HIVEP1: variants seen among roughly 807,000 people sequenced by gnomAD.
The protein encoded by HIVEP1 is HIVEP zinc finger 1.
In HIVEP1, 36 loss-of-function variants were observed where a neutral mutation model predicts 180.0. The ratio of observed to expected loss-of-function variants is 0.20; its 90% CI spans 0.15 to 0.26. HIVEP1 has a LOEUF of 0.26. Ranked by LOEUF, HIVEP1 falls within the 10% of genes least tolerant of loss-of-function variation. The pLI is 1.00. For synonymous variants in HIVEP1, 1,239 were observed against 1,239.0 expected (o/e 1.00, Z 0.00); for missense variants, 3,143 against 3,268.7 (o/e 0.96, Z 0.94).
At chr6:12,015,729 T>TTGGTGACAGGAA in intron 2 of HIVEP1, 61 bp downstream of exon 2, 1 of 1,481,688 alleles carries the variant, frequency 6.7e-7, no homozygotes. Flanking sequence ...AAGTATCTCT[T>TTGGTGACAGGAA]TGGTGACAGG....
intron 3 of HIVEP1, among the ~76,000 whole-genome samples, chr6:12,111,607 T>C (rs1193644212): frequency 1.3e-5 from 2 of 152,248 alleles, no homozygotes; most frequent in African/African-American, 2.4e-5. Flanking sequence ...GAGGCTACCA[T>C]GTTCTTTGGA....
the HIVEP1 span, among the ~76,000 whole-genome samples, chr6:12,195,844 T>C: frequency 6.6e-6 from 1 of 152,238 alleles, no homozygotes. Context: ...TTTACCTGTA[T>C]CTGAATATAT....
chr6:12,121,458 C>A lies in HIVEP1; in HGVS notation c.1663C>A (p.Gln555Lys). The A allele has an allele frequency of 6.2e-7, 1 of 1,614,164 alleles. No individual in the cohort carries two copies. Among genetic ancestry groups the A allele is most frequent in the Non-Finnish European group, 8.5e-7 (1 of 1,180,030 alleles). The change falls in exon 4 of 9, where the codon CAA becomes AAA. Residue 555 changes from glutamine to lysine, a missense_variant. Gln to Lys is a moderately conservative substitution (Grantham distance 53). Coordinates refer to ENST00000379388, the MANE Select transcript of HIVEP1 (RefSeq NM_002114.4). This position sits in a 1 kb window ranked among gnomAD's most constrained non-coding sequence, Gnocchi z 5.3. ...FLLQDRSAES[Q>K]AVTELPKVVV... The stretch of plus-strand genomic sequence containing the variant: ...GCTACAGGACAGATCTGCAGAATCA[C>A]AAGCTGTGACAGAGTTACCGAAAGT...
At chr6:12,020,105 G>C (rs1458688670) in intron 2 of HIVEP1, 1 of 265,668 alleles carries the variant, frequency 3.8e-6, no homozygotes, top group African/African-American at 2.2e-5. Context: ...AACAAATTGG[G>C]GACATAAGTG....
At chr6:12,112,407 C>A (rs1774954196) in intron 3 of HIVEP1, among the ~76,000 whole-genome samples, 1 of 151,094 alleles carries the variant, frequency 6.6e-6, no homozygotes, top group African/African-American at 2.4e-5. Flanking sequence ...TTTTTTTATT[C>A]TTTATGCTTA....
chr6:12,016,330 T>C (rs534372479), intron 2 of HIVEP1, among the ~76,000 whole-genome samples: 1 of 152,332 alleles, frequency 6.6e-6, no homozygotes, highest in Admixed American at 6.5e-5. Flanking sequence ...TCTCGTGTTA[T>C]ATCAATGGTG....
chr6:12,034,383 A>G (rs2113652866), intron 2 of HIVEP1, among the ~76,000 whole-genome samples: 1 of 152,284 alleles, frequency 6.6e-6, no homozygotes, highest in South Asian at 2.1e-4. Flanking sequence ...TTCTTTGCAG[A>G]TTGGATAATT....
intron 2 of HIVEP1, among the ~76,000 whole-genome samples, chr6:12,061,706 G>C (rs1379142735): frequency 6.6e-6 from 1 of 151,998 alleles, no homozygotes; most frequent in Non-Finnish European, 1.5e-5. Context: ...GGCTTTTGTT[G>C]ACATAAGTGG....
At chr6:12,139,191 C>T (rs563526606) in intron 7 of HIVEP1, among the ~76,000 whole-genome samples, 2 of 152,252 alleles carry the variant, frequency 1.3e-5, no homozygotes, top group Admixed American at 1.3e-4. Flanking sequence ...CCACCAGGAG[C>T]TCTGTCTTCC....
chr6:12,191,723 GT>G, the HIVEP1 span, among the ~76,000 whole-genome samples: 2 of 152,196 alleles, frequency 1.3e-5, no homozygotes, highest in Admixed American at 1.3e-4. Context: ...ACACGGTGTA[GT>G]TACAGAGCTG....
chr6:12,108,234 A>C (rs927002573), intron 3 of HIVEP1, among the ~76,000 whole-genome samples: 1 of 152,184 alleles, frequency 6.6e-6, no homozygotes, highest in African/African-American at 2.4e-5. Flanking sequence ...CTTGAGCTAG[A>C]TACAGAGTGC....
chr6:12,014,896 G>C (rs982104673), intron 1 of HIVEP1, among the ~76,000 whole-genome samples: 1 of 152,224 alleles, frequency 6.6e-6, no homozygotes, highest in Non-Finnish European at 1.5e-5. Flanking sequence ...ACTTTGTGGT[G>C]GTGTCAGATT....
chr6:12,070,946 G>A (rs1325171980), intron 2 of HIVEP1, among the ~76,000 whole-genome samples: 1 of 152,268 alleles, frequency 6.6e-6, no homozygotes, highest in East Asian at 1.9e-4. Context: ...ATTTTCTCTA[G>A]TGACCAAACA....
rs192593820 is a variant in HIVEP1, at chr6:12,128,128, C to T, written c.6076-1631C>T. Among the ~76,000 whole-genome samples the T allele has an allele frequency of 1.3e-3, 202 of 151,962 alleles. 1 individual carries two copies. The highest frequency in any genetic ancestry group is 3.3e-3 in the Admixed American group (50 of 15,274). ...CAAGTAGAAGCCAGATTTAATAGTA[C>T]GAAAGTGAGCAAAAGATAAAGGGGA... On this transcript the variant is annotated intron_variant, in intron 4 of 8. Coordinates refer to ENST00000379388, the MANE Select transcript of HIVEP1 (RefSeq NM_002114.4).
chr6:12,074,391 G>A (rs1242417721), intron 2 of HIVEP1, among the ~76,000 whole-genome samples: 1 of 152,182 alleles, frequency 6.6e-6, no homozygotes, highest in Non-Finnish European at 1.5e-5. Context: ...TAAGAATAGT[G>A]TGTACTAGTA....
At chr6:12,046,189 A>T (rs547170745) in intron 2 of HIVEP1, among the ~76,000 whole-genome samples, 1 of 152,220 alleles carries the variant, frequency 6.6e-6, no homozygotes, top group Non-Finnish European at 1.5e-5. Context: ...TTCAAAAAAT[A>T]ATTTTATGTG....
intron 7 of HIVEP1, among the ~76,000 whole-genome samples, chr6:12,155,506 G>A (rs752600262): frequency 5.3e-5 from 8 of 151,258 alleles, no homozygotes; most frequent in Admixed American, 1.3e-4. Context: ...GAAAACATGC[G>A]GTATTTGGTT....
the HIVEP1 span, among the ~76,000 whole-genome samples, chr6:12,193,924 A>C: frequency 6.6e-6 from 1 of 152,214 alleles, no homozygotes; most frequent in Non-Finnish European, 1.5e-5. Context: ...AGCTTTAATG[A>C]GAAACAATTA....
At chr6:12,081,838 C>T (rs554303689) in intron 2 of HIVEP1, among the ~76,000 whole-genome samples, 1 of 152,198 alleles carries the variant, frequency 6.6e-6, no homozygotes, top group African/African-American at 2.4e-5. Flanking sequence ...CTTCTCTCCC[C>T]TCTCTCCTCT....
Sources: allele counts gnomAD v4.1 joint callset (sites outside exome capture counted in the v4.1 genomes callset), GRCh38; gene constraint gnomAD v4.1.1; non-coding constraint Gnocchi (gnomAD v3.1); transcripts MANE v1.5; gene names NCBI Gene and HGNC (gene_info 2026-07-23, HGNC 2026-07-21).